Variants in PRKN observed in about 807,000 individuals in gnomAD.
The protein encoded by PRKN is parkin RBR E3 ubiquitin protein ligase.
PRKN carries 56 observed loss-of-function variants against 59.5 expected under a neutral mutation model. That is an observed-to-expected ratio of 0.94 (90% CI 0.76 to 1.18). The LOEUF (loss-of-function observed/expected upper bound fraction) is 1.18, where lower values mean the gene tolerates loss of function less well. PRKN is among the 50% of genes most tolerant of loss of function. PRKN has a pLI of 0.00. For synonymous variants in PRKN, 250 were observed against 222.1 expected, an observed-to-expected ratio of 1.13 and a Z score of -1.12; for missense variants, 657 against 596.4, an observed-to-expected ratio of 1.10 and a Z score of -1.06.
At chr6:162,723,858 C>T (rs997289802) in intron 1 of PRKN, among the ~76,000 whole-genome samples, 2 of 152,186 alleles carry the variant, frequency 1.3e-5, no homozygotes, top group Non-Finnish European at 2.9e-5. Flanking sequence ...GCAGGAATCG[C>T]TGTGGAGTGG....
chr6:162,067,119 G>C (rs1297695066), intron 4 of PRKN, among the ~76,000 whole-genome samples: 3 of 152,148 alleles, frequency 2.0e-5, no homozygotes, highest in African/African-American at 7.2e-5. Context: ...ACAAGTTCAA[G>C]GTTATACAAC....
chr6:161,995,880 G>A (rs145938537), intron 5 of PRKN, among the ~76,000 whole-genome samples: 20 of 152,222 alleles, frequency 1.3e-4, no homozygotes, highest in African/African-American at 4.6e-4. Flanking sequence ...GGTGGCTTAC[G>A]CCTGTAATCC....
chr6:162,190,271 A>T (rs78514501), intron 4 of PRKN, among the ~76,000 whole-genome samples: 7,377 of 152,158 alleles, frequency 0.048, 292 homozygotes, highest in Middle Eastern at 0.12. Context: ...TTTTCCCAGT[A>T]CGCAATACTC....
chr6:161,988,993 G>C (rs549070786), intron 5 of PRKN, among the ~76,000 whole-genome samples: 11 of 152,200 alleles, frequency 7.2e-5, no homozygotes, highest in African/African-American at 2.6e-4. Context: ...CAACGTGCAG[G>C]TTAGTTACAT....
At position 161,390,476 on chromosome 6, in the gene PRKN, A is replaced by G. The variant is rs1786456829; in HGVS notation, c.1084-3599T>C. 2.0e-5 allele frequency among the ~76,000 whole-genome samples: 3 copies of G among 152,100 alleles called. No homozygotes were observed. The South Asian group carries it at 6.2e-4, about 32-fold the overall frequency. ...ACCATGTAAACATCCATTTGGAACA[A>G]AGATGTGATTTATTTATTTATTTAT... On this transcript the variant is annotated intron_variant, in intron 9 of 11. Coordinates refer to ENST00000366898, the MANE Select transcript of PRKN (RefSeq NM_004562.3). The surrounding 1 kb of genome is among the most constrained non-coding windows in gnomAD (Gnocchi z 7.0).
intron 6 of PRKN, among the ~76,000 whole-genome samples, chr6:161,928,410 C>T (rs1345757759): frequency 6.6e-6 from 1 of 152,140 alleles, no homozygotes; most frequent in African/African-American, 2.4e-5. Flanking sequence ...GGTAAATTCC[C>T]TTTATGACTC....
chr6:161,611,542 TGATTGTTTG>T (rs1782489767), intron 7 of PRKN, among the ~76,000 whole-genome samples: 1 of 152,200 alleles, frequency 6.6e-6, no homozygotes, highest in African/African-American at 2.4e-5. Context: ...GTTACCATTG[TGATTGTTTG>T]GGAGCACCAT....
chr6:162,725,408 CT>C (rs1779109212), intron 1 of PRKN, among the ~76,000 whole-genome samples: 1 of 152,164 alleles, frequency 6.6e-6, no homozygotes, highest in Non-Finnish European at 1.5e-5. Flanking sequence ...TTTCACCTAC[CT>C]TTAGCACTGT....
intron 9 of PRKN, among the ~76,000 whole-genome samples, chr6:161,481,006 G>A (rs551433992): frequency 3.3e-5 from 5 of 152,220 alleles, no homozygotes; most frequent in African/African-American, 9.6e-5. Flanking sequence ...AGCACGAGAC[G>A]CGGGCTCCAG....
At chr6:162,573,760 A>G (rs562935168) in intron 1 of PRKN, among the ~76,000 whole-genome samples, 5 of 152,210 alleles carry the variant, frequency 3.3e-5, no homozygotes, top group Non-Finnish European at 7.3e-5. Context: ...ATACATTTAC[A>G]TAAGTTCATT....
intron 1 of PRKN, among the ~76,000 whole-genome samples, chr6:162,683,259 A>G (rs926199021): frequency 1.3e-5 from 2 of 152,150 alleles, no homozygotes; most frequent in Non-Finnish European, 2.9e-5. Context: ...TAAAATTCAA[A>G]CTTTAGTTCC....
At chr6:162,441,645 C>T (rs1457125649) in intron 2 of PRKN, among the ~76,000 whole-genome samples, 3 of 152,084 alleles carry the variant, frequency 2.0e-5, no homozygotes. Flanking sequence ...TTTTAGGGCT[C>T]ATAAATAAAG....
intron 1 of PRKN, among the ~76,000 whole-genome samples, chr6:162,700,959 C>A (rs887834914): frequency 2.0e-5 from 3 of 152,032 alleles, no homozygotes; most frequent in African/African-American, 7.2e-5. Context: ...AATTTACATA[C>A]ATGTCTTGCC....
In PRKN at chr6:161,470,270, C is replaced by A. The variant is rs1252240449; in HGVS notation, c.1083+78584G>T. Among the ~76,000 whole-genome samples, 1 of 152,144 alleles carries A rather than the reference C, an allele frequency of 6.6e-6. No homozygotes were observed. The highest frequency in any genetic ancestry group is 1.5e-5 in the Non-Finnish European group (1 of 68,042). ...TTAGTTATATTACTACCTTTGCTGT[C>A]ATAGGCCCATTAGGGTATTATTTAA... is the stretch of plus-strand genomic sequence containing the variant. On this transcript the variant is annotated intron_variant, in intron 9 of 11. Coordinates refer to ENST00000366898, the MANE Select transcript of PRKN (RefSeq NM_004562.3). The surrounding 1 kb of genome is among the most constrained non-coding windows in gnomAD (Gnocchi z 5.1).
In PRKN at chr6:162,648,244, T is replaced by A. The variant is rs6941209; in HGVS notation, c.7+79418A>T. ...TCTGCCTAAAAAATAGATTTTATAA[T>A]CACGTTTTTGTAATATCTCTCTGTA... On this transcript the variant is annotated intron_variant, in intron 1 of 11. Coordinates refer to ENST00000366898, the MANE Select transcript of PRKN (RefSeq NM_004562.3). Among the ~76,000 whole-genome samples, 72 of 152,134 alleles carry A rather than the reference T, an allele frequency of 4.7e-4. 1 individual carries two copies. In the South Asian group the frequency reaches 0.014, roughly 30 times the overall value.
intron 9 of PRKN, among the ~76,000 whole-genome samples, chr6:161,523,704 TGAG>T (rs1778919716): frequency 6.6e-6 from 1 of 152,240 alleles, no homozygotes; most frequent in Admixed American, 6.5e-5. Context: ...GTGTGTTTGA[TGAG>T]GTGACATTGT....
intron 10 of PRKN, among the ~76,000 whole-genome samples, chr6:161,383,380 G>T (rs1786081539): frequency 6.6e-6 from 1 of 152,210 alleles, no homozygotes; most frequent in African/African-American, 2.4e-5. Flanking sequence ...CATAGAGAAG[G>T]TGCTGGTAAT....
chr6:161,732,055 T>C (rs1787737843), intron 7 of PRKN, among the ~76,000 whole-genome samples: 1 of 151,984 alleles, frequency 6.6e-6, no homozygotes, highest in Admixed American at 6.6e-5. Context: ...ACCCAAGTAC[T>C]AAGCCTAATA....
chr6:161,665,428 G>C (rs920032707), intron 7 of PRKN, among the ~76,000 whole-genome samples: 1 of 152,158 alleles, frequency 6.6e-6, no homozygotes, highest in African/African-American at 2.4e-5. Context: ...CATAATGGTA[G>C]ATTTATACTA....
Sources: allele counts gnomAD v4.1 joint callset (sites outside exome capture counted in the v4.1 genomes callset), GRCh38; gene constraint gnomAD v4.1.1; non-coding constraint Gnocchi (gnomAD v3.1); transcripts MANE v1.5; gene names NCBI Gene and HGNC (gene_info 2026-07-23, HGNC 2026-07-21).